Variants in WDR93 observed in about 807,000 individuals in gnomAD.
WDR93 encodes WD repeat domain 93.
A neutral mutation model predicts 82.9 loss-of-function variants in WDR93; 73 were observed. That is an observed-to-expected ratio of 0.88 (90% confidence interval 0.73 to 1.07). WDR93 has a LOEUF of 1.07. Among genes scored for constraint, WDR93 ranks in the 50% least tolerant of loss-of-function variants. The pLI is 0.00. For missense variants in WDR93, 738 were observed against 826.0 expected, an observed-to-expected ratio of 0.89 and a Z score of 1.31; for synonymous variants, 283 against 300.1, an observed-to-expected ratio of 0.94 and a Z score of 0.59.
chr15:89,693,022 T>A (rs1334805057), intron 1 of WDR93, among the ~76,000 whole-genome samples: 1 of 152,228 alleles, frequency 6.6e-6, no homozygotes, highest in Non-Finnish European at 1.5e-5. Context: ...GCATAATGCA[T>A]TTGAGATTAT....
chr15:89,732,615 CCACACA>C (rs58806438), intron 12 of WDR93, among the ~76,000 whole-genome samples: 21 of 148,552 alleles, frequency 1.4e-4, no homozygotes, highest in African/African-American at 4.4e-4. Context: ...TGTTGTTTGG[CCACACA>C]CACACACACA....
Position 89,733,238 on chromosome 15 carries a change from G to GCCA in WDR93, c.1544+19_1544+20insCCA. The GCCA allele has an allele frequency of 6.2e-7, 1 of 1,605,086 alleles. No homozygotes were observed. Among genetic ancestry groups the GCCA allele is most frequent in the Non-Finnish European group, 8.5e-7 (1 of 1,173,962 alleles). On this transcript the variant is annotated intron_variant, in intron 13 of 16. Transcript: ENST00000268130. ...TTGAGAGGTCAGTAGCTTGAGGGTG[G>GCCA]GACGGGGTAAATAATTGGCCAGATT... is the stretch of plus-strand genomic sequence containing the variant.
At chr15:89,731,706 C>G (rs1199003720) in intron 12 of WDR93, 144 bp downstream of exon 12, 1 of 1,070,996 alleles carries the variant, frequency 9.3e-7, no homozygotes, top group African/African-American at 1.6e-5. Flanking sequence ...CTACTCCCCT[C>G]TCATTCATTT....
At chr15:89,708,926 C>T (rs1965840483) in intron 4 of WDR93, among the ~76,000 whole-genome samples, 1 of 152,212 alleles carries the variant, frequency 6.6e-6, no homozygotes, top group Admixed American at 6.5e-5. Context: ...CAACAGCTGG[C>T]CCAGGCATGG....
Position 89,701,828 on chromosome 15 carries a change from C to A in WDR93, c.82C>A (p.Pro28Thr). 1.9e-6 allele frequency: 3 copies of A among 1,614,160 alleles called. No individual in the cohort carries two copies. The highest frequency in any genetic ancestry group is 2.5e-6 in the Non-Finnish European group (3 of 1,180,042). The change falls in exon 2 of 17, where the codon CCA becomes ACA. Residue 28 changes from proline to threonine, a missense_variant. By Grantham distance (38) the Pro-to-Thr change is conservative. Transcript: ENST00000268130. Reference protein sequence around the residue: ...TRKGPLEVPPPTEKDWPKDDE... With the variant: ...TRKGPLEVPPTTEKDWPKDDE... ...AAAGGGACCATTGGAGGTGCCACCC[C>A]CAACAGAGAAGGACTGGCCTAAAGA...
rs755931399 is a variant in WDR93, at chr15:89,743,535, A to G, written c.*144A>G. 8.4e-6 allele frequency: 6 copies of G among 712,056 alleles called. No homozygotes were observed. Among genetic ancestry groups the G allele is most frequent in the African/African-American group, 1.8e-5 (1 of 55,940 alleles). The allele number at this position is 712,056 out of a possible 1,614,324, so 44.1% of individuals were successfully genotyped here. A position where few individuals can be genotyped will look rare whatever the true frequency, so the allele number is the denominator to read the frequency against. On this transcript the variant is annotated 3_prime_UTR_variant, in exon 17 of 17. Coordinates refer to ENST00000268130, the MANE Select transcript of WDR93 (RefSeq NM_020212.2). ...GTCTGGGGCCTCTGCAGAGCCAGCA[A>G]GGGGAAAAGTATAATCTGGGGGACC...
At chr15:89,714,916 T>C in intron 5 of WDR93, 64 bp from the exon 6 acceptor site, 1 of 1,414,292 alleles carries the variant, frequency 7.1e-7, no homozygotes, top group Non-Finnish European at 9.8e-7. Flanking sequence ...AGACAGGCCA[T>C]TTCTCAGAGG....
At chr15:89,701,017 A>G (rs1159962763) in intron 1 of WDR93, among the ~76,000 whole-genome samples, 3 of 152,094 alleles carry the variant, frequency 2.0e-5, no homozygotes, top group African/African-American at 7.3e-5. Flanking sequence ...GAGTGGAGCT[A>G]ATAAATTGTA....
At chr15:89,737,436 T>A in intron 14 of WDR93, 137 bp from the exon 15 acceptor site, 4 of 1,177,294 alleles carry the variant, frequency 3.4e-6, no homozygotes, top group Admixed American at 4.4e-5. Context: ...CAGCCCTGGA[T>A]GGATCCAGAG....
At chr15:89,708,814 G>A (rs554159859) in intron 4 of WDR93, among the ~76,000 whole-genome samples, 1 of 152,324 alleles carries the variant, frequency 6.6e-6, no homozygotes, top group African/African-American at 2.4e-5. Flanking sequence ...AATGCTGTCC[G>A]CATTGTAGGG....
In WDR93 at chr15:89,731,435, C is replaced by T. The variant is rs1966857610; in HGVS notation, c.1211-8C>T. 2 of 1,613,900 alleles carry T rather than the reference C, an allele frequency of 1.2e-6. No homozygotes were observed. Among genetic ancestry groups the T allele is most frequent in the Non-Finnish European group, 1.7e-6 (2 of 1,179,878 alleles). On this transcript the variant is annotated splice_polypyrimidine_tract_variant and splice_region_variant and intron_variant, in intron 11 of 16. Transcript: ENST00000268130. ...GGGGAACCGGTTGAGTATTGTCCTTCCCCCTAGACCCCGAGGGTGTGTGGC... is the reference window on the plus strand; with the variant it reads ...GGGGAACCGGTTGAGTATTGTCCTTTCCCCTAGACCCCGAGGGTGTGTGGC...
chr15:89,717,495 G>C (rs184168264), intron 7 of WDR93, among the ~76,000 whole-genome samples: 1 of 152,308 alleles, frequency 6.6e-6, no homozygotes, highest in East Asian at 1.9e-4. Flanking sequence ...TCCCGTCCCT[G>C]AGGACAGTTG....
intron 1 of WDR93, among the ~76,000 whole-genome samples, chr15:89,701,318 A>G (rs1178024105): frequency 6.6e-6 from 1 of 152,110 alleles, no homozygotes; most frequent in African/African-American, 2.4e-5. Context: ...GAAAGGGAGG[A>G]GAGTCGTGGC....
intron 9 of WDR93, among the ~76,000 whole-genome samples, chr15:89,728,103 T>A (rs1966810086): frequency 6.6e-6 from 1 of 152,032 alleles, no homozygotes; most frequent in African/African-American, 2.4e-5. Flanking sequence ...AAAAAAATAA[T>A]AAAAAACACA....
intron 12 of WDR93, among the ~76,000 whole-genome samples, chr15:89,732,667 TC>T (rs754771861): frequency 6.6e-6 from 1 of 151,374 alleles, no homozygotes; most frequent in Non-Finnish European, 1.5e-5. Flanking sequence ...CAGCTGTGCC[TC>T]CCCCTGCCCA....
chr15:89,740,996 C>T (rs1052868684), intron 16 of WDR93, among the ~76,000 whole-genome samples: 43 of 151,850 alleles, frequency 2.8e-4, no homozygotes, highest in Non-Finnish European at 5.9e-4. Flanking sequence ...AAAAATTAAC[C>T]GGGCACGGTG....
chr15:89,705,481 C>A, intron 3 of WDR93, 73 bp from the exon 4 acceptor site: 1 of 920,144 alleles, frequency 1.1e-6, no homozygotes, highest in Non-Finnish European at 1.8e-6. Context: ...TTCACAAAGT[C>A]CAATATAAAA....
Position 89,737,595 on chromosome 15 carries a change from G to C in WDR93, c.1631G>C (p.Gly544Ala). ...PGMVLIFSKN[G>A]SVCLMDVAKR... ...CAGGTGCTCATCTTTTCCAAGAATG[G>C]CTCTGTGTGCCTTATGGATGTGGCC... Residue 544 changes from glycine (G) to alanine (A), a missense_variant, in exon 15 of 17, where the codon GGC becomes GCC. Gly to Ala is a moderately conservative substitution (Grantham distance 60). Coordinates refer to ENST00000268130, the MANE Select transcript of WDR93 (RefSeq NM_020212.2). 2 of 1,614,158 alleles carry C rather than the reference G, an allele frequency of 1.2e-6. No homozygotes were observed. Among genetic ancestry groups the C allele is most frequent in the Middle Eastern group, 1.6e-4 (1 of 6,062 alleles).
chr15:89,712,405 T>TTTTTTTTTTTTTTTTTTG, intron 5 of WDR93, among the ~76,000 whole-genome samples: 1 of 144,932 alleles, frequency 6.9e-6, no homozygotes, highest in African/African-American at 2.7e-5. Context: ...TCTTTTTTTT[T>TTTTTTTTTTTTTTTTTTG]TTTTTTTTTT....
Sources: allele counts gnomAD v4.1 joint callset (sites outside exome capture counted in the v4.1 genomes callset), GRCh38; gene constraint gnomAD v4.1.1; transcripts MANE v1.5; gene names NCBI Gene and HGNC (gene_info 2026-07-23, HGNC 2026-07-21).